Variants in WWOX observed in about 807,000 individuals in gnomAD.
WWOX encodes WW domain-containing oxidoreductase.
A neutral mutation model predicts 46.2 loss-of-function variants in WWOX; 69 were observed. The ratio of observed to expected loss-of-function variants is 1.49; its 90% CI spans 1.23 to 1.82. The LOEUF (loss-of-function observed/expected upper bound fraction) is 1.82. WWOX is among the 40% of genes most tolerant of loss of function. The pLI is 0.00. For synonymous variants in WWOX, 359 were observed against 202.6 expected (o/e 1.77, Z -6.56); for missense variants, 919 against 542.6 (o/e 1.69, Z -6.89).
chr16:78,931,431 G>T (rs919558581), intron 8 of WWOX, among the ~76,000 whole-genome samples: 1 of 152,192 alleles, frequency 6.6e-6, no homozygotes, highest in African/African-American at 2.4e-5. Flanking sequence ...GCACATAAAA[G>T]TTTGAGCTGG....
At chr16:78,622,756 A>C (rs1024965938) in intron 8 of WWOX, among the ~76,000 whole-genome samples, 4 of 152,184 alleles carry the variant, frequency 2.6e-5, no homozygotes, top group Non-Finnish European at 2.9e-5. Flanking sequence ...CGGTTACACT[A>C]TATGGCAAAG....
In WWOX at chr16:79,140,398, A is replaced by G. The variant is rs995365683; in HGVS notation, c.1057-71210A>G. Reference sequence around the variant, plus strand: ...CACCGCAGCATCCGCCAGCTCTTATAATCACTTGCCCTTTGCTGATGGTGA... The same window carrying G: ...CACCGCAGCATCCGCCAGCTCTTATGATCACTTGCCCTTTGCTGATGGTGA... On this transcript the variant is annotated intron_variant, in intron 8 of 8. Transcript: ENST00000566780. Among the ~76,000 whole-genome samples the G allele has an allele frequency of 6.6e-5, 10 of 152,310 alleles. No homozygotes were observed. The South Asian group carries it at 8.3e-4, about 13-fold the overall frequency.
At chr16:78,472,046 G>A (rs2084235913) in intron 8 of WWOX, among the ~76,000 whole-genome samples, 1 of 152,162 alleles carries the variant, frequency 6.6e-6, no homozygotes, top group Non-Finnish European at 1.5e-5. Context: ...TAGGTGTTAT[G>A]ATGCCAATTT....
chr16:78,951,804 C>A (rs936872522), intron 8 of WWOX, among the ~76,000 whole-genome samples: 1 of 152,086 alleles, frequency 6.6e-6, no homozygotes, highest in African/African-American at 2.4e-5. Context: ...TGGTGGCTTG[C>A]AGGAAAGGTC....
intron 4 of WWOX, among the ~76,000 whole-genome samples, chr16:78,130,570 A>G (rs1420486706): frequency 2.6e-5 from 4 of 152,190 alleles, no homozygotes; most frequent in South Asian, 2.1e-4. Flanking sequence ...AGCTGTTCCT[A>G]TAGGCTGACC....
intron 8 of WWOX, among the ~76,000 whole-genome samples, chr16:78,518,521 C>T (rs1469978268): frequency 1.3e-5 from 2 of 152,084 alleles, no homozygotes; most frequent in Non-Finnish European, 2.9e-5. Flanking sequence ...ACGCCTGGCC[C>T]ATAAATGTTA....
chr16:79,160,492 T>C (rs1247018323), intron 8 of WWOX, among the ~76,000 whole-genome samples: 1 of 152,200 alleles, frequency 6.6e-6, no homozygotes, highest in Non-Finnish European at 1.5e-5. Flanking sequence ...GAGCCGATCA[T>C]AGGACTGCTC....
chr16:78,232,881 C>T (rs900488730), intron 5 of WWOX, among the ~76,000 whole-genome samples: 13 of 151,236 alleles, frequency 8.6e-5, no homozygotes, highest in African/African-American at 3.2e-4. Context: ...CTCGCTCTGT[C>T]ACCGGGCTGG....
At chr16:78,692,942 T>G (rs1233388428) in intron 8 of WWOX, among the ~76,000 whole-genome samples, 1 of 152,236 alleles carries the variant, frequency 6.6e-6, no homozygotes, top group Admixed American at 6.5e-5. Context: ...AGCTAAAACT[T>G]GAGTTATTAA....
chr16:78,844,179 C>A (rs370852939), intron 8 of WWOX, among the ~76,000 whole-genome samples: 1 of 152,132 alleles, frequency 6.6e-6, no homozygotes, highest in Admixed American at 6.5e-5. Context: ...AGTGATTCCC[C>A]ACCTCCATAC....
At position 78,406,325 on chromosome 16, in the gene WWOX, T is replaced by C. The variant is rs866946743; in HGVS notation, c.606-18545T>C. Among the ~76,000 whole-genome samples, 8 of 81,246 alleles carry C rather than the reference T, an allele frequency of 9.8e-5. 1 individual carries two copies. The highest frequency in any genetic ancestry group is 8.4e-4 in the Admixed American group (8 of 9,472). 53.3% of individuals were successfully genotyped at this position (81,246 alleles called of 152,430 possible). Reference sequence around the variant, plus strand: ...ATAAATATATATATATATATATATATATATATATATATATATATATATATA... The same window carrying C: ...ATAAATATATATATATATATATATACATATATATATATATATATATATATA... On this transcript the variant is annotated intron_variant, in intron 6 of 8. Transcript: ENST00000566780.
chr16:78,506,756 C>CTG (rs2085217378), intron 8 of WWOX, among the ~76,000 whole-genome samples: 1 of 131,926 alleles, frequency 7.6e-6, no homozygotes, highest in African/African-American at 3.0e-5. Context: ...GTTGTCCAGG[C>CTG]TGTAGTGCAG....
At chr16:78,779,439 C>G (rs995106999) in intron 8 of WWOX, among the ~76,000 whole-genome samples, 1 of 152,162 alleles carries the variant, frequency 6.6e-6, no homozygotes, top group Non-Finnish European at 1.5e-5. Context: ...TCCGGCCCCC[C>G]TTTCTTCTTT....
intron 8 of WWOX, among the ~76,000 whole-genome samples, chr16:78,502,755 A>T (rs1207632585): frequency 6.6e-6 from 1 of 152,162 alleles, no homozygotes; most frequent in African/African-American, 2.4e-5. Context: ...ATCAGAAAAA[A>T]GTCATCATTG....
intron 8 of WWOX, among the ~76,000 whole-genome samples, chr16:78,705,505 C>T (rs543509776): frequency 2.6e-5 from 4 of 152,308 alleles, no homozygotes; most frequent in East Asian, 1.9e-4. Context: ...AACCTCCCTT[C>T]GCCTCACACG....
chr16:78,988,232 T>C (rs2046818592), intron 8 of WWOX, among the ~76,000 whole-genome samples: 1 of 151,502 alleles, frequency 6.6e-6, no homozygotes, highest in Non-Finnish European at 1.5e-5. Flanking sequence ...TAATCTCAGC[T>C]CCTCGGGAGG....
At chr16:78,550,484 C>A (rs1488846324) in intron 8 of WWOX, among the ~76,000 whole-genome samples, 1 of 152,150 alleles carries the variant, frequency 6.6e-6, no homozygotes, top group African/African-American at 2.4e-5. Context: ...GTTTGCTGGC[C>A]TCTGGTCAAG....
At chr16:78,626,681 C>G (rs938671933) in intron 8 of WWOX, among the ~76,000 whole-genome samples, 4 of 152,048 alleles carry the variant, frequency 2.6e-5, no homozygotes, top group Admixed American at 6.5e-5. Flanking sequence ...GTTGCTGTGC[C>G]CAGCTCATGC....
chr16:78,798,563 TC>T (rs1282470387), intron 8 of WWOX, among the ~76,000 whole-genome samples: 1 of 149,160 alleles, frequency 6.7e-6, no homozygotes, highest in Non-Finnish European at 1.5e-5. Context: ...AATATATTCC[TC>T]CCTCCCCCCA....
Sources: allele counts gnomAD v4.1 joint callset (sites outside exome capture counted in the v4.1 genomes callset), GRCh38; gene constraint gnomAD v4.1.1; transcripts MANE v1.5; gene names NCBI Gene and HGNC (gene_info 2026-07-23, HGNC 2026-07-21).